Variants in AJAP1 observed in about 807,000 individuals in gnomAD.
AJAP1 encodes the protein adherens junctions associated protein 1.
Under a neutral mutation model 35.0 loss-of-function variants are expected in AJAP1, and 5 were observed. The ratio of observed to expected loss-of-function variants is 0.14; its 90% CI spans 0.07 to 0.30. The LOEUF is 0.30. AJAP1 is among the 10% of genes least tolerant of loss of function. The probability of loss-of-function intolerance (pLI) is 1.00; values close to 1 mark genes in which losing one functional copy is unlikely to be tolerated. For missense variants in AJAP1, 586 were observed against 571.0 expected, an observed-to-expected ratio of 1.03 and a Z score of -0.27; for synonymous variants, 284 against 249.3, an observed-to-expected ratio of 1.14 and a Z score of -1.31.
chr1:4,678,917 A>G (rs958920494), intron 1 of AJAP1, among the ~76,000 whole-genome samples: 2 of 152,268 alleles, frequency 1.3e-5, no homozygotes, highest in African/African-American at 4.8e-5. Flanking sequence ...ACAACCGAGT[A>G]GGTATGCTCC....
intron 1 of AJAP1, among the ~76,000 whole-genome samples, chr1:4,689,052 C>T (rs952444936): frequency 6.6e-6 from 1 of 152,172 alleles, no homozygotes; most frequent in Non-Finnish European, 1.5e-5. Flanking sequence ...CGCCTGCCCC[C>T]CTCACTCGCC....
chr1:4,744,735 C>T (rs529928060), intron 2 of AJAP1, among the ~76,000 whole-genome samples: 5 of 152,292 alleles, frequency 3.3e-5, no homozygotes, highest in African/African-American at 1.2e-4. Flanking sequence ...CACATGCCCA[C>T]ATGCAGACAC....
chr1:4,691,023 G>A (rs1639727571), intron 1 of AJAP1, among the ~76,000 whole-genome samples: 1 of 152,186 alleles, frequency 6.6e-6, no homozygotes, highest in African/African-American at 2.4e-5. Context: ...GGGGTGCCAG[G>A]CTGAGGCCTG....
At chr1:4,728,654 C>T (rs1640727000) in intron 2 of AJAP1, among the ~76,000 whole-genome samples, 1 of 152,206 alleles carries the variant, frequency 6.6e-6, no homozygotes, top group Non-Finnish European at 1.5e-5. Flanking sequence ...GCAGGACAGA[C>T]CCTCAGGCAC....
In AJAP1 at chr1:4,769,748, G is replaced by A. The variant is rs1334982163; in HGVS notation, c.830-105G>A. On this transcript the variant is annotated intron_variant, in intron 2 of 5. Transcript: ENST00000378191. ...AGTTCCCCGCTGCGGATGGGACCTG[G>A]CATCCCCAGCTGGGTTGGGGGGATG... The A allele has an allele frequency of 2.8e-5, 26 of 939,412 alleles. 1 individual carries two copies. Among genetic ancestry groups the A allele is most frequent in the Non-Finnish European group, 4.5e-5 (26 of 572,688 alleles). 58.2% of individuals were successfully genotyped at this position (939,412 alleles called of 1,614,324 possible).
At chr1:4,665,367 T>A (rs897427223) in intron 1 of AJAP1, among the ~76,000 whole-genome samples, 6 of 152,152 alleles carry the variant, frequency 3.9e-5, no homozygotes, top group Non-Finnish European at 8.8e-5. Flanking sequence ...TTTTGGGGAC[T>A]CTTGATTAAG....
chr1:4,758,504 C>T (rs898626238), intron 2 of AJAP1, among the ~76,000 whole-genome samples: 7 of 152,150 alleles, frequency 4.6e-5, no homozygotes, highest in South Asian at 2.1e-4. Context: ...GGAGAAATGC[C>T]GAGTGAAGCG....
At chr1:4,770,728 G>C (rs1169751491) in intron 3 of AJAP1, among the ~76,000 whole-genome samples, 1 of 152,190 alleles carries the variant, frequency 6.6e-6, no homozygotes, top group Non-Finnish European at 1.5e-5. Context: ...CCGCATCAGA[G>C]CCTCAGAATC....
At chr1:4,674,042 C>CAAAAAAAAAAAAAAAAA (rs57335438) in intron 1 of AJAP1, among the ~76,000 whole-genome samples, 1 of 81,940 alleles carries the variant, frequency 1.2e-5, no homozygotes. Context: ...CCCCCGCCAC[C>CAAAAAAAAAAAAAAAAA]AAAAAAAAAA....
intron 1 of AJAP1, among the ~76,000 whole-genome samples, chr1:4,685,487 G>A (rs1052102543): frequency 1.3e-5 from 2 of 152,186 alleles, no homozygotes; most frequent in Non-Finnish European, 2.9e-5. Context: ...GGCTGTGATG[G>A]TTTATTTGCA....
rs776344925 is a variant in AJAP1, at chr1:4,737,315, C to T, written c.829+24616C>T. Among the ~76,000 whole-genome samples the T allele has an allele frequency of 2.1e-4, 32 of 152,098 alleles. 1 individual carries two copies. Among genetic ancestry groups the T allele is most frequent in the Non-Finnish European group, 5.9e-5 (4 of 68,014 alleles). On this transcript the variant is annotated intron_variant, in intron 2 of 5. Coordinates refer to ENST00000378191, the MANE Select transcript of AJAP1 (RefSeq NM_018836.4). ...GGCTCTGCCGAGTCCCTGGACAAGC[C>T]CCCGTCACCACCCACCCCTCGGCCC...
intron 1 of AJAP1, among the ~76,000 whole-genome samples, chr1:4,659,869 A>G (rs1212043389): frequency 6.6e-6 from 1 of 152,238 alleles, no homozygotes; most frequent in Non-Finnish European, 1.5e-5. Flanking sequence ...TTGCCAGGGC[A>G]ACACCCAGTA....
At chr1:4,726,684 C>A (rs1640668461) in intron 2 of AJAP1, among the ~76,000 whole-genome samples, 1 of 152,134 alleles carries the variant, frequency 6.6e-6, no homozygotes, top group Non-Finnish European at 1.5e-5. Flanking sequence ...CTCCAGAAAT[C>A]CTGATTCAGG....
chr1:4,756,376 C>T (rs1467179049), intron 2 of AJAP1, among the ~76,000 whole-genome samples: 3 of 152,166 alleles, frequency 2.0e-5, no homozygotes, highest in Admixed American at 6.5e-5. Context: ...GCCAGGTGTG[C>T]GGTAGTCTCA....
chr1:4,683,547 C>G (rs886364262), intron 1 of AJAP1, among the ~76,000 whole-genome samples: 1 of 152,190 alleles, frequency 6.6e-6, no homozygotes, highest in Non-Finnish European at 1.5e-5. Flanking sequence ...CAAATGTGAC[C>G]TCAGACATTC....
intron 1 of AJAP1, among the ~76,000 whole-genome samples, chr1:4,665,731 A>C (rs1639101197): frequency 6.6e-6 from 1 of 152,174 alleles, no homozygotes; most frequent in Non-Finnish European, 1.5e-5. Flanking sequence ...ACATCCAGAC[A>C]CTTTCATGCA....
intron 1 of AJAP1, among the ~76,000 whole-genome samples, chr1:4,701,307 G>C (rs964377508): frequency 6.6e-6 from 1 of 152,212 alleles, no homozygotes; most frequent in Admixed American, 6.5e-5. Flanking sequence ...AGGTGTACAG[G>C]TGGGAAAACT....
chr1:4,736,671 C>T (rs1165941909), intron 2 of AJAP1, among the ~76,000 whole-genome samples: 2 of 152,208 alleles, frequency 1.3e-5, no homozygotes, highest in African/African-American at 2.4e-5. Flanking sequence ...GTATAGCACA[C>T]GGCAGAGCAA....
Position 4,767,401 on chromosome 1 carries a change from G to A in AJAP1, c.830-2452G>A, listed in dbSNP as rs369934476. 1.2e-4 allele frequency among the ~76,000 whole-genome samples: 16 copies of A among 135,580 alleles called. 1 individual carries two copies. In the South Asian group the frequency reaches 1.5e-3, roughly 13 times the overall value. 88.9% of individuals were successfully genotyped at this position (135,580 alleles called of 152,430 possible). A position where few individuals can be genotyped will look rare whatever the true frequency, so the allele number is the denominator to read the frequency against. ...CACCATCACCACCACCATCATCATCGTTACCACCACCAACATCATCGTTAC... is the reference window on the plus strand; with the variant it reads ...CACCATCACCACCACCATCATCATCATTACCACCACCAACATCATCGTTAC... On this transcript the variant is annotated intron_variant, in intron 2 of 5. Transcript: ENST00000378191.
Sources: gnomAD v4.1 joint callset for allele counts (sites outside exome capture counted in the v4.1 genomes callset) on GRCh38, gnomAD v4.1.1 for gene constraint, MANE v1.5 for transcripts, NCBI Gene and HGNC (gene_info 2026-07-23, HGNC 2026-07-21) for gene names.